The following L3MBTL4 variants were observed in gnomAD, a reference collection of about 807,000 sequenced individuals.
L3MBTL4 encodes the protein lethal(3)malignant brain tumor-like protein 4.
A neutral mutation model predicts 84.5 loss-of-function variants in L3MBTL4; 70 were observed. The ratio of observed to expected loss-of-function variants is 0.83; its 90% CI spans 0.68 to 1.01. The LOEUF (loss-of-function observed/expected upper bound fraction) is 1.01, where lower values mean the gene tolerates loss of function less well. L3MBTL4 is among the 50% of genes least tolerant of loss of function. The pLI, the probability that L3MBTL4 is intolerant of heterozygous loss-of-function variation, is 0.00. For synonymous variants in L3MBTL4, 274 were observed against 259.8 expected, an observed-to-expected ratio of 1.05 and a Z score of -0.52; for missense variants, 715 against 754.8, an observed-to-expected ratio of 0.95 and a Z score of 0.62.
intron 12 of L3MBTL4, among the ~76,000 whole-genome samples, chr18:6,199,429 A>G (rs2045554157): frequency 6.6e-6 from 1 of 152,246 alleles, no homozygotes; most frequent in African/African-American, 2.4e-5. Context: ...CGAGTGGCCA[A>G]TGTACTGGAG....
Position 6,058,145 on chromosome 18 carries a change from T to C in L3MBTL4, c.1444+22736A>G, listed in dbSNP as rs694196. Among the ~76,000 whole-genome samples the C allele has an allele frequency of 6.3e-3, 965 of 152,346 alleles. 8 individuals are homozygous for C. The highest frequency in any genetic ancestry group is 0.021 in the African/African-American group (882 of 41,586). On this transcript the variant is annotated intron_variant, in intron 16 of 18. Coordinates refer to ENST00000317931, the MANE Select transcript of L3MBTL4 (RefSeq NM_001330559.2). ...AGACATCAAATCCTGATTCTTCTCCTTAGACATAAGGTGCTTGGCATTACT... is the reference window on the plus strand; with the variant it reads ...AGACATCAAATCCTGATTCTTCTCCCTAGACATAAGGTGCTTGGCATTACT...
intron 16 of L3MBTL4, among the ~76,000 whole-genome samples, chr18:6,018,632 G>A (rs968349847): frequency 6.6e-6 from 1 of 152,130 alleles, no homozygotes; most frequent in East Asian, 1.9e-4. Flanking sequence ...TACCATTTCC[G>A]CTCTACTCTG....
chr18:6,345,274 G>A (rs1293758988), intron 1 of L3MBTL4, among the ~76,000 whole-genome samples: 3 of 149,330 alleles, frequency 2.0e-5, no homozygotes, highest in Non-Finnish European at 1.5e-5. Context: ...GCATGCGCCT[G>A]TAGTCCCAGC....
At chr18:6,338,282 GA>G (rs1223534122) in intron 1 of L3MBTL4, among the ~76,000 whole-genome samples, 1 of 151,772 alleles carries the variant, frequency 6.6e-6, no homozygotes, top group Non-Finnish European at 1.5e-5. Context: ...TCAGGTAGAA[GA>G]AAAATGATCC....
At chr18:6,001,875 T>A (rs557574469) in intron 16 of L3MBTL4, among the ~76,000 whole-genome samples, 2 of 152,028 alleles carry the variant, frequency 1.3e-5, no homozygotes, top group African/African-American at 4.8e-5. Flanking sequence ...CAGAGACAAT[T>A]TGGAGAAACA....
chr18:6,338,227 G>A (rs2052438241), intron 1 of L3MBTL4, among the ~76,000 whole-genome samples: 1 of 151,796 alleles, frequency 6.6e-6, no homozygotes, highest in African/African-American at 2.4e-5. Context: ...AGGAGAAGGA[G>A]GGAAAGAAGG....
In L3MBTL4 at chr18:5,956,332, A is replaced by G. The variant is rs758207257; in HGVS notation, c.1733T>C (p.Met578Thr). The G allele has an allele frequency of 1.2e-6, 2 of 1,614,130 alleles. No individual in the cohort carries two copies. Among genetic ancestry groups the G allele is most frequent in the Non-Finnish European group, 1.7e-6 (2 of 1,180,012 alleles). ...CAGTGCTGGGCCCAGTTTGATCTTC[A>G]TCACTTTGACAATGTCCGTCTGTGT... ...LLTQTDIVKV[M>T]KIKLGPALKI... Residue 578 changes from methionine (M) to threonine (T), a missense_variant, in exon 19 of 19, where the codon ATG becomes ACG. Met to Thr is a moderately conservative substitution (Grantham distance 81). Coordinates refer to ENST00000317931, the MANE Select transcript of L3MBTL4 (RefSeq NM_001330559.2).
At chr18:6,173,715 G>A (rs1351404048) in intron 12 of L3MBTL4, among the ~76,000 whole-genome samples, 1 of 152,148 alleles carries the variant, frequency 6.6e-6, no homozygotes, top group Non-Finnish European at 1.5e-5. Flanking sequence ...GGGAGGTTGA[G>A]GCTGCAGTGA....
intron 16 of L3MBTL4, chr18:6,046,657 G>T: frequency 1.4e-6 from 1 of 716,176 alleles, no homozygotes; most frequent in South Asian, 1.6e-5. Context: ...ATGACTTTTA[G>T]GTAAATAACA....
chr18:5,969,384 T>C lies in L3MBTL4; in HGVS notation c.1614+9A>G, dbSNP rs950073320. ...ACCCCAGCCCTGGCCCCCCAGCAGC[T>C]CCACTCACCTCATCCACAGTCCAAC... is the stretch of plus-strand genomic sequence containing the variant. On this transcript the variant is annotated intron_variant, in intron 17 of 18. Coordinates refer to ENST00000317931, the MANE Select transcript of L3MBTL4 (RefSeq NM_001330559.2). 13 of 1,613,644 alleles carry C rather than the reference T, an allele frequency of 8.1e-6. No homozygotes were observed. The highest frequency in any genetic ancestry group is 2.2e-5 in the East Asian group (1 of 44,854).
intron 4 of L3MBTL4, among the ~76,000 whole-genome samples, chr18:6,283,082 T>C (rs2146603111): frequency 6.6e-6 from 1 of 152,300 alleles, no homozygotes; most frequent in South Asian, 2.1e-4. Flanking sequence ...AAATCCAGCA[T>C]GTAAGAGCCC....
intron 16 of L3MBTL4, among the ~76,000 whole-genome samples, chr18:5,984,580 G>A (rs908532790): frequency 6.6e-6 from 1 of 152,138 alleles, no homozygotes; most frequent in African/African-American, 2.4e-5. Context: ...TTTTGGGGGG[G>A]AAGCTTTTTA....
At chr18:6,300,769 C>A (rs1462885766) in intron 4 of L3MBTL4, among the ~76,000 whole-genome samples, 2 of 152,132 alleles carry the variant, frequency 1.3e-5, no homozygotes, top group Non-Finnish European at 2.9e-5. Context: ...TAAATCACAA[C>A]CTCTCTCTGA....
chr18:6,292,831 C>T (rs574252684), intron 4 of L3MBTL4, among the ~76,000 whole-genome samples: 1 of 152,106 alleles, frequency 6.6e-6, no homozygotes, highest in South Asian at 2.1e-4. Context: ...CGTGCCATAA[C>T]CTGCAACCAG....
intron 12 of L3MBTL4, among the ~76,000 whole-genome samples, chr18:6,180,499 T>C (rs2044420822): frequency 6.6e-6 from 1 of 152,162 alleles, no homozygotes. Flanking sequence ...CTAACCTCCC[T>C]CAAACTCATC....
rs576376368 is a variant in L3MBTL4 at position 6,092,324 on chromosome 18, C to T, written c.1373+1031G>A. 5.3e-5 allele frequency among the ~76,000 whole-genome samples: 8 copies of T among 152,298 alleles called. No individual in the cohort carries two copies. The East Asian group carries it at 7.7e-4, about 15-fold the overall frequency. The stretch of plus-strand genomic sequence containing the variant: ...AGTGTATCCTATGAGCCAAATTCTC[C>T]GAATAAACTGGCGCCCCCTTGAAGA... On this transcript the variant is annotated intron_variant, in intron 15 of 18. Transcript: ENST00000317931.
intron 1 of L3MBTL4, among the ~76,000 whole-genome samples, chr18:6,353,085 A>G (rs2053273623): frequency 6.6e-6 from 1 of 152,208 alleles, no homozygotes. Context: ...TTTCTTTAAA[A>G]AGGCACATTC....
intron 1 of L3MBTL4, among the ~76,000 whole-genome samples, chr18:6,402,854 T>C (rs2055568069): frequency 6.6e-6 from 1 of 152,224 alleles, no homozygotes; most frequent in African/African-American, 2.4e-5. Flanking sequence ...AATTGATTAT[T>C]CTAAACTCTG....
chr18:6,222,666 C>T (rs2046607526), intron 10 of L3MBTL4, among the ~76,000 whole-genome samples: 1 of 152,150 alleles, frequency 6.6e-6, no homozygotes, highest in South Asian at 2.1e-4. Flanking sequence ...CACTCTATTA[C>T]AGACCTAGCA....
Sources: gnomAD v4.1 joint callset for allele counts (sites outside exome capture counted in the v4.1 genomes callset) on GRCh38, gnomAD v4.1.1 for gene constraint, MANE v1.5 for transcripts, NCBI Gene and HGNC (gene_info 2026-07-23, HGNC 2026-07-21) for gene names.